CATSPERD: variants seen among roughly 807,000 people sequenced by gnomAD.
CATSPERD encodes cation channel sperm-associated auxiliary subunit delta.
In CATSPERD, 86 loss-of-function variants were observed where a neutral mutation model predicts 98.1. The ratio of observed to expected loss-of-function variants is 0.88; its 90% CI spans 0.74 to 1.05. CATSPERD has a LOEUF of 1.05. Ranked by LOEUF, CATSPERD falls within the 50% of genes least tolerant of loss-of-function variation. CATSPERD has a pLI of 0.00. For missense variants in CATSPERD, 995 were observed against 1,005.7 expected, an observed-to-expected ratio of 0.99 and a Z score of 0.14; for synonymous variants, 394 against 390.2, an observed-to-expected ratio of 1.01 and a Z score of -0.12.
intron 20 of CATSPERD, 107 bp downstream of exon 20, chr19:5,773,072 G>T: frequency 1.7e-6 from 2 of 1,184,854 alleles, no homozygotes; most frequent in African/African-American, 1.5e-5. Context: ...GAATGAAAGA[G>T]TTGGGGCGCG....
intron 7 of CATSPERD, among the ~76,000 whole-genome samples, chr19:5,739,709 C>T (rs1010449522): frequency 1.8e-4 from 27 of 151,386 alleles, no homozygotes; most frequent in African/African-American, 6.1e-4. Flanking sequence ...GGTGTGGTGG[C>T]GTGTGTTTTA....
intron 2 of CATSPERD, among the ~76,000 whole-genome samples, chr19:5,725,183 G>A (rs953134080): frequency 6.6e-6 from 1 of 152,082 alleles, no homozygotes; most frequent in Non-Finnish European, 1.5e-5. Context: ...ACAGGGTCTT[G>A]CACTGTTGCC....
chr19:5,749,132 G>A lies in CATSPERD; in HGVS notation c.936G>A (p.Glu312=), dbSNP rs780207685. The change falls in exon 11 of 22, where the codon GAG becomes GAA. Residue 312 remains glutamate, a synonymous_variant. Transcript: ENST00000381624. ...ATGAACTGGCAGTTATAACTCGGGA[G>A]GATAATTTGTATTATGGCAATCTGG... ...TENELAVITR[E]DNLYYGNLGI... is the part of the protein sequence containing the mutation. The A allele has an allele frequency of 4.3e-6, 7 of 1,612,212 alleles. No homozygotes were observed. The highest frequency in any genetic ancestry group is 5.9e-6 in the Non-Finnish European group (7 of 1,179,374).
intron 17 of CATSPERD, among the ~76,000 whole-genome samples, chr19:5,767,144 C>T (rs1247838417): frequency 2.7e-5 from 4 of 150,698 alleles, no homozygotes; most frequent in Admixed American, 6.6e-5. Context: ...AGTGAAACCC[C>T]GTCTCTACTA....
chr19:5,735,984 G>A (rs2055837807), intron 5 of CATSPERD, among the ~76,000 whole-genome samples: 1 of 151,228 alleles, frequency 6.6e-6, no homozygotes, highest in Non-Finnish European at 1.5e-5. Context: ...GTTTCACGGT[G>A]TTAGCCAGGA....
chr19:5,723,870 G>A (rs962962551), intron 1 of CATSPERD, among the ~76,000 whole-genome samples: 19 of 151,228 alleles, frequency 1.3e-4, no homozygotes, highest in African/African-American at 3.9e-4. Context: ...TCCGCCTCCC[G>A]GGTTCAAGCG....
At position 5,763,309 on chromosome 19, in the gene CATSPERD, T is replaced by C; in HGVS notation, c.1506+16T>C. 1 of 1,605,184 alleles carries C rather than the reference T, an allele frequency of 6.2e-7. No individual in the cohort carries two copies. Among genetic ancestry groups the C allele is most frequent in the Non-Finnish European group, 8.5e-7 (1 of 1,171,864 alleles). The stretch of plus-strand genomic sequence containing the variant: ...CAAGCCACTGGTAGGTCCCAAATCT[T>C]TGCTGTCCCATATTCGGTGTCATAA... On this transcript the variant is annotated intron_variant, in intron 16 of 21. Transcript: ENST00000381624.
At chr19:5,731,455 CCAGCTTGAGTGG>C (rs1267542440) in intron 4 of CATSPERD, among the ~76,000 whole-genome samples, 2 of 151,570 alleles carry the variant, frequency 1.3e-5, no homozygotes, top group South Asian at 2.1e-4. Context: ...CCACCGCACT[CCAGCTTGAGTGG>C]CAGCTTGAGA....
intron 16 of CATSPERD, among the ~76,000 whole-genome samples, chr19:5,765,250 TC>T (rs536977808): frequency 1.1e-4 from 16 of 152,270 alleles, no homozygotes; most frequent in Admixed American, 2.6e-4. Flanking sequence ...ATACTAAAAG[TC>T]CCTTGGTCCT....
chr19:5,742,263 C>G (rs1342673639), intron 7 of CATSPERD, among the ~76,000 whole-genome samples: 10 of 124,818 alleles, frequency 8.0e-5, no homozygotes, highest in South Asian at 2.7e-4. Context: ...TGTGGGTGTG[C>G]GTGTGCATGT....
At chr19:5,724,491 A>T (rs1450466497) in intron 1 of CATSPERD, among the ~76,000 whole-genome samples, 2 of 151,992 alleles carry the variant, frequency 1.3e-5, no homozygotes, top group African/African-American at 2.4e-5. Flanking sequence ...CGAGGTCAGG[A>T]GTTCAGGACC....
At chr19:5,748,042 A>G (rs1429021558) in intron 9 of CATSPERD, 118 bp from the exon 10 acceptor site, 1 of 735,948 alleles carries the variant, frequency 1.4e-6, no homozygotes, top group Admixed American at 2.3e-5. Context: ...AGGAACATCG[A>G]AAGAGCCACT....
At chr19:5,771,192 C>G in intron 19 of CATSPERD, 120 bp downstream of exon 19, 1 of 1,143,640 alleles carries the variant, frequency 8.7e-7, no homozygotes, top group Non-Finnish European at 1.2e-6. Flanking sequence ...ATGATGGTCA[C>G]TGTTTCCCAC....
intron 15 of CATSPERD, among the ~76,000 whole-genome samples, chr19:5,762,303 A>T (rs766604270): frequency 6.6e-6 from 1 of 151,208 alleles, no homozygotes; most frequent in Non-Finnish European, 1.5e-5. Context: ...ACCTCAGGTG[A>T]TCTGCCCACC....
At chr19:5,770,270 A>G (rs982721531) in intron 18 of CATSPERD, among the ~76,000 whole-genome samples, 9 of 149,736 alleles carry the variant, frequency 6.0e-5, no homozygotes, top group African/African-American at 2.2e-4. Flanking sequence ...CTCTACTAAA[A>G]ACACAAAAAA....
At chr19:5,748,101 G>A in intron 9 of CATSPERD, 59 bp from the exon 10 acceptor site, 1 of 1,418,536 alleles carries the variant, frequency 7.0e-7, no homozygotes, top group Non-Finnish European at 1.0e-6. Flanking sequence ...CCCAGTAGTA[G>A]ACATCCCCTT....
chr19:5,778,006 C>G (rs2056763941), intron 21 of CATSPERD, among the ~76,000 whole-genome samples: 1 of 151,770 alleles, frequency 6.6e-6, no homozygotes, highest in Non-Finnish European at 1.5e-5. Flanking sequence ...GTCAGGAGTT[C>G]GAGACCAGCC....
intron 20 of CATSPERD, among the ~76,000 whole-genome samples, chr19:5,773,583 G>A (rs1207060507): frequency 3.3e-5 from 5 of 151,982 alleles, no homozygotes; most frequent in Non-Finnish European, 7.4e-5. Flanking sequence ...GAGTGCAGTG[G>A]TGCAATCTCA....
chr19:5,761,535 A>T (rs1346651180), intron 15 of CATSPERD, among the ~76,000 whole-genome samples: 4 of 152,252 alleles, frequency 2.6e-5, no homozygotes, highest in Non-Finnish European at 1.5e-5. Flanking sequence ...TAAAGAAAAG[A>T]GGTTTAATTG....
Sources: allele counts gnomAD v4.1 joint callset (sites outside exome capture counted in the v4.1 genomes callset), GRCh38; gene constraint gnomAD v4.1.1; transcripts MANE v1.5; gene names NCBI Gene and HGNC (gene_info 2026-07-23, HGNC 2026-07-21).